Variants in MAML3 observed in about 807,000 individuals in gnomAD.
MAML3 encodes the protein mastermind like transcriptional coactivator 3, also known as mastermind-like protein 3.
Under a neutral mutation model 101.9 loss-of-function variants are expected in MAML3, and 27 were observed. The observed-to-expected ratio is 0.27, with a 90% CI of 0.20 to 0.37. The LOEUF (loss-of-function observed/expected upper bound fraction) is 0.37, where lower values mean the gene tolerates loss of function less well. Among genes scored for constraint, MAML3 ranks in the 10% least tolerant of loss-of-function variants. MAML3 has a pLI of 1.00. For synonymous variants in MAML3, 501 were observed against 555.9 expected, an observed-to-expected ratio of 0.90 and a Z score of 1.39; for missense variants, 1,316 against 1,444.9, an observed-to-expected ratio of 0.91 and a Z score of 1.45.
intron 2 of MAML3, among the ~76,000 whole-genome samples, chr4:139,821,100 G>A (rs1730965261): frequency 6.6e-6 from 1 of 152,174 alleles, no homozygotes; most frequent in African/African-American, 2.4e-5. Context: ...TAAATCTATT[G>A]TTATCACAAT....
intron 1 of MAML3, among the ~76,000 whole-genome samples, chr4:139,906,868 A>G (rs1732831886): frequency 7.1e-6 from 1 of 140,026 alleles, no homozygotes; most frequent in African/African-American, 2.4e-5. Flanking sequence ...GTCTCAGTTC[A>G]GAAGCAATTT....
At chr4:139,731,227 G>C (rs1728693647) in intron 2 of MAML3, 1 of 158,656 alleles carries the variant, frequency 6.3e-6, no homozygotes, top group South Asian at 1.8e-4. Flanking sequence ...AAATCCTCCT[G>C]GCCAGAGTTG....
intron 2 of MAML3, among the ~76,000 whole-genome samples, chr4:139,791,147 C>G (rs547840902): frequency 5.9e-5 from 9 of 152,240 alleles, no homozygotes; most frequent in African/African-American, 2.2e-4. Context: ...TGGAAACTTA[C>G]CCTTATATAA....
rs185572917 is a variant in MAML3 at position 139,857,300 on chromosome 4, C to T, written c.2079+32057G>A. ...TTGAGCTAGAGGGCTCAAATACATC[C>T]GACAAAGCCAAGAGACAGAGGATGA... On this transcript the variant is annotated intron_variant, in intron 2 of 4. Transcript: ENST00000509479. Among the ~76,000 whole-genome samples, 515 of 152,178 alleles carry T rather than the reference C, an allele frequency of 3.4e-3. 3 individuals carry two copies. Among genetic ancestry groups the T allele is most frequent in the African/African-American group, 0.012 (487 of 41,488 alleles).
At chr4:139,928,178 TG>T (rs1226982099) in intron 1 of MAML3, among the ~76,000 whole-genome samples, 2 of 152,230 alleles carry the variant, frequency 1.3e-5, no homozygotes, top group African/African-American at 4.8e-5. Context: ...TATCCATAAC[TG>T]TTTCTCCATC....
At chr4:139,828,996 AGGAAGGAAGGAAGGAAGGAAGGAAGGAC>A (rs1349101131) in intron 2 of MAML3, among the ~76,000 whole-genome samples, 10 of 135,702 alleles carry the variant, frequency 7.4e-5, no homozygotes, top group African/African-American at 2.7e-4. Flanking sequence ...GAAGGAAGGA[AGGAAGGAAGGAAGGAAGGAAGGAAGGAC>A]GGACGGACGG....
At chr4:140,038,397 A>C (rs1034799765) in intron 1 of MAML3, among the ~76,000 whole-genome samples, 1 of 152,252 alleles carries the variant, frequency 6.6e-6, no homozygotes, top group South Asian at 2.1e-4. Context: ...AACAGGCAGC[A>C]CATCAGTATG....
At chr4:140,124,124 C>T (rs1728650463) in intron 1 of MAML3, among the ~76,000 whole-genome samples, 1 of 152,226 alleles carries the variant, frequency 6.6e-6, no homozygotes, top group Non-Finnish European at 1.5e-5. Context: ...AAATGCCTTA[C>T]CTAACCTTGC....
At chr4:139,930,335 G>A (rs116715458) in intron 1 of MAML3, among the ~76,000 whole-genome samples, 2,875 of 152,206 alleles carry the variant, frequency 0.019, 111 homozygotes, top group African/African-American at 0.065. Context: ...GAGTTTGTGA[G>A]CAGAGTTCAC....
intron 1 of MAML3, among the ~76,000 whole-genome samples, chr4:139,942,117 A>G (rs1166110431): frequency 1.3e-5 from 2 of 152,044 alleles, no homozygotes; most frequent in Admixed American, 1.3e-4. Context: ...CTAGGCAATA[A>G]GAGCAAAACT....
At chr4:140,137,069 G>A (rs13113375) in intron 1 of MAML3, among the ~76,000 whole-genome samples, 76,768 of 152,168 alleles carry the variant, frequency 0.5, 20,888 homozygotes, top group African/African-American at 0.69. Context: ...GCTCACTGCA[G>A]GCTCCGCCTC....
chr4:139,809,865 T>TACACACACACACACAC (rs71584333), intron 2 of MAML3, among the ~76,000 whole-genome samples: 67 of 143,056 alleles, frequency 4.7e-4, no homozygotes, highest in Admixed American at 7.0e-4. Flanking sequence ...TACCTGCACG[T>TACACACACACACACAC]ACACACACAC....
chr4:139,731,958 T>A (rs1384013943), intron 2 of MAML3, among the ~76,000 whole-genome samples: 1 of 152,236 alleles, frequency 6.6e-6, no homozygotes, highest in Non-Finnish European at 1.5e-5. Context: ...GTGGCAAGTA[T>A]GTTCTGAACA....
intron 2 of MAML3, among the ~76,000 whole-genome samples, chr4:139,808,061 A>C (rs1730730964): frequency 6.6e-6 from 1 of 152,156 alleles, no homozygotes; most frequent in Non-Finnish European, 1.5e-5. Flanking sequence ...TCTCTTCTCT[A>C]TCCACGGGCA....
intron 1 of MAML3, among the ~76,000 whole-genome samples, chr4:140,073,575 C>A (rs760730384): frequency 3.9e-5 from 6 of 152,150 alleles, no homozygotes; most frequent in Admixed American, 6.5e-5. Context: ...TTGTGCCAGG[C>A]ACCCACAGTA....
chr4:139,829,077 C>G (rs1334452236), intron 2 of MAML3, among the ~76,000 whole-genome samples: 10 of 107,844 alleles, frequency 9.3e-5, no homozygotes, highest in Admixed American at 2.1e-4. Context: ...AGGAAGGAAG[C>G]AAGGAAGGAA....
chr4:140,133,826 C>T (rs917966394), intron 1 of MAML3, among the ~76,000 whole-genome samples: 2 of 152,158 alleles, frequency 1.3e-5, no homozygotes, highest in African/African-American at 4.8e-5. Flanking sequence ...AAGCATGCTG[C>T]ATAATCAGAA....
At chr4:139,780,819 G>A (rs766888436) in intron 2 of MAML3, among the ~76,000 whole-genome samples, 168 of 151,994 alleles carry the variant, frequency 1.1e-3, no homozygotes, top group Non-Finnish European at 6.6e-4. Flanking sequence ...TAGCAGAGAC[G>A]GGTTTTACAA....
intron 2 of MAML3, among the ~76,000 whole-genome samples, chr4:139,846,803 T>C (rs1224000933): frequency 6.6e-6 from 1 of 152,242 alleles, no homozygotes; most frequent in Non-Finnish European, 1.5e-5. Flanking sequence ...CATGGCTTTA[T>C]TAGGATATCC....
Sources: allele counts gnomAD v4.1 joint callset (sites outside exome capture counted in the v4.1 genomes callset), GRCh38; gene constraint gnomAD v4.1.1; transcripts MANE v1.5; gene names NCBI Gene and HGNC (gene_info 2026-07-23, HGNC 2026-07-21).